The following PTPRD variants were observed in gnomAD, a reference collection of about 807,000 sequenced individuals.
PTPRD encodes the protein protein tyrosine phosphatase receptor type D.
PTPRD carries 34 observed loss-of-function variants against 214.5 expected under a neutral mutation model. The ratio of observed to expected loss-of-function variants is 0.16; its 90% CI spans 0.12 to 0.21. The LOEUF is 0.21. PTPRD is among the 10% of genes least tolerant of loss of function. The pLI is 1.00. For missense variants in PTPRD, 2,545 were observed against 2,398.7 expected (o/e 1.06, Z -1.27); for synonymous variants, 1,128 against 845.7 (o/e 1.33, Z -5.79).
chr9:9,838,716 T>C (rs1402600883), intron 5 of PTPRD, among the ~76,000 whole-genome samples: 2 of 152,324 alleles, frequency 1.3e-5, no homozygotes, highest in Non-Finnish European at 1.5e-5. Flanking sequence ...TTTTTTAGGT[T>C]GCCTGTTCAC....
At chr9:8,357,574 G>C (rs1452233835) in intron 39 of PTPRD, among the ~76,000 whole-genome samples, 1 of 152,194 alleles carries the variant, frequency 6.6e-6, no homozygotes, top group African/African-American at 2.4e-5. Flanking sequence ...TGGAAATGGA[G>C]AGAATGTGGT....
intron 3 of PTPRD, among the ~76,000 whole-genome samples, chr9:10,334,391 G>C (rs1248623913): frequency 1.3e-5 from 2 of 151,478 alleles, no homozygotes; most frequent in Non-Finnish European, 3.0e-5. Flanking sequence ...GAATAGAAGG[G>C]AGCTTCCTCA....
intron 2 of PTPRD, among the ~76,000 whole-genome samples, chr9:10,393,545 C>G (rs115354318): frequency 0.043 from 6,514 of 151,230 alleles, 464 homozygotes; most frequent in African/African-American, 0.14. Context: ...AATCCCAGCA[C>G]TTTGGGAAGC....
At chr9:8,526,565 G>C (rs1592790204) in intron 17 of PTPRD, 62 bp downstream of exon 17, 3 of 1,410,302 alleles carry the variant, frequency 2.1e-6, no homozygotes, top group Admixed American at 4.6e-5. Flanking sequence ...AAAGATGAGA[G>C]GGATGAAAGG....
intron 14 of PTPRD, among the ~76,000 whole-genome samples, chr9:8,608,038 A>T (rs2095302503): frequency 6.6e-6 from 1 of 152,190 alleles, no homozygotes; most frequent in Non-Finnish European, 1.5e-5. Flanking sequence ...GACGCACTGC[A>T]TTCTAATCCG....
chr9:9,397,689 G>T (rs935011260), intron 8 of PTPRD, among the ~76,000 whole-genome samples: 1 of 151,996 alleles, frequency 6.6e-6, no homozygotes, highest in Non-Finnish European at 1.5e-5. Context: ...GATATTAGTT[G>T]TTTATTCAAA....
intron 8 of PTPRD, among the ~76,000 whole-genome samples, chr9:9,494,843 C>G (rs967266989): frequency 6.6e-6 from 1 of 152,016 alleles, no homozygotes; most frequent in African/African-American, 2.4e-5. Flanking sequence ...TTCAAGGGAC[C>G]CTGGATTACC....
At chr9:8,436,456 C>G in intron 35 of PTPRD, 136 bp downstream of exon 35, 1 of 623,784 alleles carries the variant, frequency 1.6e-6, no homozygotes, top group Non-Finnish European at 2.7e-6. Context: ...GTTGACGGTT[C>G]ATTATACATT....
At chr9:8,645,861 G>C (rs72698302) in intron 12 of PTPRD, among the ~76,000 whole-genome samples, 6,967 of 151,798 alleles carry the variant, frequency 0.046, 497 homozygotes, top group African/African-American at 0.15. Flanking sequence ...GTTCATTTCT[G>C]TTTTTGGCAT....
In PTPRD at chr9:9,854,357, C is replaced by A. The variant is rs145439158; in HGVS notation, c.-368+84150G>T. ...CCATAATTAGAATTTAATCATAGGTCCTGGAATCAAGGAAAAAAGCATTGG... is the reference window on the plus strand; with the variant it reads ...CCATAATTAGAATTTAATCATAGGTACTGGAATCAAGGAAAAAAGCATTGG... On this transcript the variant is annotated intron_variant, in intron 5 of 45. Coordinates refer to ENST00000381196, the MANE Select transcript of PTPRD (RefSeq NM_002839.4). Among the ~76,000 whole-genome samples, 586 of 152,050 alleles carry A rather than the reference C, an allele frequency of 3.9e-3. 3 individuals are homozygous for A. The highest frequency in any genetic ancestry group is 0.013 in the African/African-American group (535 of 41,456).
At chr9:9,148,096 G>T (rs1272345242) in intron 10 of PTPRD, among the ~76,000 whole-genome samples, 3 of 152,138 alleles carry the variant, frequency 2.0e-5, no homozygotes, top group Non-Finnish European at 4.4e-5. Context: ...TATTGCATTT[G>T]CAAGAAAAAC....
At chr9:9,698,530 G>A (rs10759088) in intron 7 of PTPRD, among the ~76,000 whole-genome samples, 50,514 of 151,982 alleles carry the variant, frequency 0.33, 8,677 homozygotes, top group Admixed American at 0.46. Flanking sequence ...TGGTCCTGCT[G>A]GATGGCTACT....
chr9:8,599,873 C>A (rs1297064377), intron 14 of PTPRD, among the ~76,000 whole-genome samples: 1 of 152,008 alleles, frequency 6.6e-6, no homozygotes, highest in Non-Finnish European at 1.5e-5. Context: ...AGCCTCGGCC[C>A]CCCAAATTGC....
chr9:8,976,324 T>C (rs7042963), intron 11 of PTPRD, among the ~76,000 whole-genome samples: 16,541 of 152,060 alleles, frequency 0.11, 1,134 homozygotes, highest in South Asian at 0.19. Context: ...AGTGACCTAG[T>C]TCATGATAGA....
intron 14 of PTPRD, among the ~76,000 whole-genome samples, chr9:8,613,748 C>T (rs1329011841): frequency 6.6e-6 from 1 of 152,150 alleles, no homozygotes; most frequent in East Asian, 1.9e-4. Context: ...AGTCTAATCC[C>T]TCTTCTACAT....
At chr9:9,391,531 T>G (rs965684038) in intron 9 of PTPRD, among the ~76,000 whole-genome samples, 2 of 152,180 alleles carry the variant, frequency 1.3e-5, no homozygotes, top group African/African-American at 4.8e-5. Context: ...ACAATGATTT[T>G]AATCAAGGCA....
intron 10 of PTPRD, among the ~76,000 whole-genome samples, chr9:9,138,818 A>G (rs1451849187): frequency 1.3e-5 from 2 of 152,172 alleles, no homozygotes; most frequent in African/African-American, 4.8e-5. Flanking sequence ...ATTTATTTAA[A>G]AAATGAACAA....
intron 9 of PTPRD, among the ~76,000 whole-genome samples, chr9:9,290,002 G>T (rs926229916): frequency 6.6e-6 from 1 of 151,648 alleles, no homozygotes. Flanking sequence ...TCATGTCGTG[G>T]TTCTATTTTT....
intron 9 of PTPRD, among the ~76,000 whole-genome samples, chr9:9,208,156 G>A (rs1192299245): frequency 3.3e-5 from 5 of 150,452 alleles, no homozygotes; most frequent in South Asian, 2.1e-4. Flanking sequence ...CTGGGACTAC[G>A]GGCACCCGCC....
Sources: gnomAD v4.1 joint callset for allele counts (sites outside exome capture counted in the v4.1 genomes callset) on GRCh38, gnomAD v4.1.1 for gene constraint, MANE v1.5 for transcripts, NCBI Gene and HGNC (gene_info 2026-07-23, HGNC 2026-07-21) for gene names.